MESD: variants seen among roughly 807,000 people sequenced by gnomAD.
MESD encodes mesoderm development LRP chaperone.
Under a neutral mutation model 12.9 loss-of-function variants are expected in MESD, and 7 were observed. The ratio of observed to expected loss-of-function variants is 0.54; its 90% confidence interval spans 0.31 to 1.02. The LOEUF (loss-of-function observed/expected upper bound fraction) is 1.02. MESD is among the 50% of genes least tolerant of loss of function. MESD has a pLI of 0.05. For synonymous variants in MESD, 126 were observed against 115.6 expected (o/e 1.09, Z -0.58); for missense variants, 342 against 296.7 (o/e 1.15, Z -1.12).
At chr15:80,956,476 C>T (rs900808505) in intron 3 of MESD, among the ~76,000 whole-genome samples, 1 of 152,124 alleles carries the variant, frequency 6.6e-6, no homozygotes, top group Non-Finnish European at 1.5e-5. Context: ...CTCGGACACA[C>T]AAAGGCTTAG....
chr15:80,984,774 A>T (rs1248375131), intron 1 of MESD, among the ~76,000 whole-genome samples: 1 of 152,246 alleles, frequency 6.6e-6, no homozygotes, highest in Non-Finnish European at 1.5e-5. Flanking sequence ...ACCTGTTACC[A>T]AAACAAAAAA....
chr15:80,983,894 C>CATATTTTT (rs1902655388), intron 1 of MESD, among the ~76,000 whole-genome samples: 1 of 88,466 alleles, frequency 1.1e-5, no homozygotes, highest in Non-Finnish European at 2.1e-5. Flanking sequence ...AAAACAGTAA[C>CATATTTTT]TTTTTTTTTT....
At chr15:80,988,719 A>G (rs1159997971) in intron 1 of MESD, among the ~76,000 whole-genome samples, 1 of 152,232 alleles carries the variant, frequency 6.6e-6, no homozygotes, top group Non-Finnish European at 1.5e-5. Context: ...GTTGGAAGGA[A>G]TCTTAGGACC....
chr15:80,959,304 G>T (rs1902044380), intron 3 of MESD, among the ~76,000 whole-genome samples: 1 of 152,226 alleles, frequency 6.6e-6, no homozygotes, highest in African/African-American at 2.4e-5. Flanking sequence ...GTGCCTGGAA[G>T]GATGAAGGGC....
chr15:80,987,673 G>A (rs1902771064), intron 1 of MESD, among the ~76,000 whole-genome samples: 1 of 152,120 alleles, frequency 6.6e-6, no homozygotes, highest in Non-Finnish European at 1.5e-5. Flanking sequence ...ATTTTTAGTA[G>A]AGATGGAGTT....
chr15:80,966,277 T>C (rs909931520), intron 3 of MESD, among the ~76,000 whole-genome samples: 1 of 152,180 alleles, frequency 6.6e-6, no homozygotes, highest in African/African-American at 2.4e-5. Context: ...GGTATGAAGA[T>C]GCTCATTGTA....
At chr15:80,957,599 A>AACACACACACACACAC (rs36008211) in intron 3 of MESD, among the ~76,000 whole-genome samples, 11 of 148,796 alleles carry the variant, frequency 7.4e-5, no homozygotes, top group African/African-American at 2.7e-4. Flanking sequence ...TCCACTGCAA[A>AACACACACACACACAC]ACACACACAC....
At chr15:80,989,414 G>A (rs1306952043) in intron 1 of MESD, among the ~76,000 whole-genome samples, 165 bp downstream of exon 1, 1 of 152,188 alleles carries the variant, frequency 6.6e-6, no homozygotes, top group Non-Finnish European at 1.5e-5. Context: ...CGGGTCAGAG[G>A]AGGAATGGAG....
At chr15:80,964,290 G>C (rs1464618703) in intron 3 of MESD, among the ~76,000 whole-genome samples, 1 of 152,080 alleles carries the variant, frequency 6.6e-6, no homozygotes, top group African/African-American at 2.4e-5. Flanking sequence ...CCTCTTCAAG[G>C]AGAACTACAA....
chr15:80,985,639 CT>C (rs11425497), intron 1 of MESD, among the ~76,000 whole-genome samples: 2,239 of 88,948 alleles, frequency 0.025, 17 homozygotes, highest in Non-Finnish European at 0.037. Context: ...TCCCAAGCAG[CT>C]TTTTTTTTTT....
chr15:80,954,835 G>GT (rs907615282), intron 3 of MESD, among the ~76,000 whole-genome samples: 9 of 152,168 alleles, frequency 5.9e-5, no homozygotes, highest in Non-Finnish European at 1.3e-4. Context: ...AATATTATGA[G>GT]TTTTTTTGCA....
chr15:80,955,137 A>G (rs550734820), intron 3 of MESD, among the ~76,000 whole-genome samples: 13 of 127,542 alleles, frequency 1.0e-4, no homozygotes, highest in African/African-American at 3.9e-4. Flanking sequence ...TCTCTACTAG[A>G]AAAAAAAAAA....
Position 80,979,011 on chromosome 15 carries a change from A to C in MESD, c.*208T>G, listed in dbSNP as rs1902497753. On this transcript the variant is annotated 3_prime_UTR_variant, in exon 3 of 3. Coordinates refer to ENST00000261758, the MANE Select transcript of MESD (RefSeq NM_015154.3). ...AGTAAACATGAATTTGTCAGTGTCC[A>C]GTATTAATTAGAAAACATCTGTCTT... The C allele has an allele frequency of 1.6e-6, 1 of 616,268 alleles. No homozygotes were observed. Among genetic ancestry groups the C allele is most frequent in the Non-Finnish European group, 2.8e-6 (1 of 360,856 alleles). The allele number at this position is 616,268 out of a possible 1,614,324, so 38.2% of individuals were successfully genotyped here.
chr15:80,986,201 C>G (rs1351884143), intron 1 of MESD, among the ~76,000 whole-genome samples: 1 of 152,050 alleles, frequency 6.6e-6, no homozygotes, highest in Non-Finnish European at 1.5e-5. Flanking sequence ...CCTTCGTATG[C>G]GGACCTAAAA....
rs539667930 is a variant in MESD at position 80,949,312 on chromosome 15, A to T, written c.*627-414T>A. ...TAGGAGGTAGTCTGGAGGGCTGGTC[A>T]TTCACAGATCCCCATGGTCTTCAGC... is the stretch of plus-strand genomic sequence containing the variant. On this transcript the variant is annotated intron_variant, in intron 4 of 4. Transcript: ENST00000561312. The T allele has an allele frequency of 3.1e-4, 111 of 352,420 alleles. 4 individuals carry two copies. The highest frequency in any genetic ancestry group is 2.5e-3 in the South Asian group (109 of 43,044). The allele number at this position is 352,420 out of a possible 1,614,324, so 21.8% of individuals were successfully genotyped here.
At chr15:80,947,043 A>G (rs142881133), downstream of MESD, 4 of 1,613,612 alleles carry the variant, frequency 2.5e-6, no homozygotes, top group African/African-American at 5.3e-5. Context: ...AGCTTGGGGC[A>G]GACAGGGGTC....
chr15:80,964,028 C>G (rs543347207), intron 3 of MESD, among the ~76,000 whole-genome samples: 27 of 152,220 alleles, frequency 1.8e-4, no homozygotes, highest in Admixed American at 1.8e-3. Context: ...GGAAAAGAGG[C>G]AGTCAAATTG....
chr15:80,980,648 A>C lies in MESD; in HGVS notation c.447-1171T>G, dbSNP rs533088399. 5.9e-5 allele frequency among the ~76,000 whole-genome samples: 9 copies of C among 152,286 alleles called. No homozygotes were observed. In the East Asian group the frequency reaches 1.4e-3, roughly 23 times the overall value. ...AGGATCAACTGAGATATTAAAAAAA[A>C]ACACACACTAGGCATGGTTGCCAGT... On this transcript the variant is annotated intron_variant, in intron 2 of 2. Transcript: ENST00000261758.
At position 80,978,831 on chromosome 15, in the gene MESD, A is replaced by T. The variant is rs1160543419; in HGVS notation, c.*388T>A. On this transcript the variant is annotated 3_prime_UTR_variant, in exon 3 of 3. Coordinates refer to ENST00000261758, the MANE Select transcript of MESD (RefSeq NM_015154.3). ...TACTCAATTAAGTCAAGAGTTTTAA[A>T]GTCTTCTCTGATCAGAATTTGCTAT... 1.1e-5 allele frequency: 2 copies of T among 189,690 alleles called. No homozygotes were observed. The highest frequency in any genetic ancestry group is 4.7e-5 in the African/African-American group (2 of 42,724). 11.8% of individuals were successfully genotyped at this position (189,690 alleles called of 1,614,324 possible).
Sources: gnomAD v4.1 joint callset for allele counts (sites outside exome capture counted in the v4.1 genomes callset) on GRCh38, gnomAD v4.1.1 for gene constraint, MANE v1.5 for transcripts, NCBI Gene and HGNC (gene_info 2026-07-23, HGNC 2026-07-21) for gene names.